COL4A5: variants seen among roughly 807,000 people sequenced by gnomAD.
The protein encoded by COL4A5 is collagen alpha-5(IV) chain.
Under a neutral mutation model 130.2 loss-of-function variants are expected in COL4A5, and 26 were observed. The observed-to-expected ratio is 0.20, with a 90% CI of 0.15 to 0.28. COL4A5 has a LOEUF of 0.28. Ranked by LOEUF, COL4A5 falls within the 10% of genes least tolerant of loss-of-function variation. The probability of loss-of-function intolerance (pLI) is 1.00; values close to 1 mark genes in which losing one functional copy is unlikely to be tolerated. For synonymous variants in COL4A5, 496 were observed against 439.6 expected (o/e 1.13, Z -1.60); for missense variants, 1,131 against 1,344.3 (o/e 0.84, Z 2.48).
intron 19 of COL4A5, 112 bp from the exon 20 acceptor site, chrX:108,590,941 AATAAC>A (rs2066422110): frequency 5.7e-6 from 4 of 705,012 alleles, no homozygotes; most frequent in Admixed American, 3.6e-5. Context: ...ATAGAAAAAA[AATAAC>A]ATAACCAGAA....
intron 29 of COL4A5, among the ~76,000 whole-genome samples, chrX:108,611,892 A>G (rs902289429): frequency 9.0e-6 from 1 of 111,402 alleles, no homozygotes; most frequent in African/African-American, 3.2e-5. Context: ...ATAGACATAA[A>G]AATCCTCAAG....
chrX:108,504,538 G>GA (rs754869597), intron 1 of COL4A5, among the ~76,000 whole-genome samples: 10 of 111,732 alleles, frequency 8.9e-5, no homozygotes, highest in Non-Finnish European at 1.3e-4. Context: ...AAATCAGCAA[G>GA]AAAAAATCAA....
chrX:108,526,821 G>T lies in COL4A5; in HGVS notation c.82-12925G>T, dbSNP rs72618363. On this transcript the variant is annotated intron_variant, in intron 1 of 52. Transcript: ENST00000328300. ...CTTGCTCTGTTGCACATACTGGAGT[G>T]CAGTGGAACAATCATGGCTCACTGC... is the stretch of plus-strand genomic sequence containing the variant. 6.9e-3 allele frequency among the ~76,000 whole-genome samples: 704 copies of T among 101,380 alleles called. 20 individuals are homozygous for T. The highest frequency in any genetic ancestry group is 0.057 in the East Asian group (187 of 3,254). The allele number at this position is 101,380 out of a possible 115,157, so 88.0% of individuals were successfully genotyped here.
At position 108,623,441 on chromosome X, in the gene COL4A5, A is replaced by AC. The variant is rs202163710; in HGVS notation, c.2917+616_2917+617insC. Among the ~76,000 whole-genome samples, 461 of 104,610 alleles carry AC rather than the reference A, an allele frequency of 4.4e-3. 2 individuals carry two copies. The highest frequency in any genetic ancestry group is 5.9e-3 in the Non-Finnish European group (312 of 52,586). The allele number at this position is 104,610 out of a possible 115,157, so 90.8% of individuals were successfully genotyped here. A position where few individuals can be genotyped will look rare whatever the true frequency, so the allele number is the denominator to read the frequency against. On this transcript the variant is annotated intron_variant, in intron 33 of 52. Coordinates refer to ENST00000328300, the MANE Select transcript of COL4A5 (RefSeq NM_033380.3). ...AAAATATTACGTGGGGTTTTCAATA[A>AC]AAAAAAAACCTTTTTTATAGAAGTA...
intron 30 of COL4A5, among the ~76,000 whole-genome samples, chrX:108,615,536 G>A (rs1603295801): frequency 9.0e-6 from 1 of 110,864 alleles, no homozygotes; most frequent in African/African-American, 3.3e-5. Flanking sequence ...CAATTCATCA[G>A]CACTCCAAAT....
chrX:108,634,041 A>T (rs149821293), intron 36 of COL4A5, among the ~76,000 whole-genome samples: 1 of 111,068 alleles, frequency 9.0e-6, no homozygotes. Flanking sequence ...CAGTAATTTC[A>T]CTTCTTTCAA....
At chrX:108,623,798 C>T (rs914112679) in intron 33 of COL4A5, among the ~76,000 whole-genome samples, 3 of 111,664 alleles carry the variant, frequency 2.7e-5, no homozygotes, top group African/African-American at 9.8e-5. Flanking sequence ...GGCAGGGTCA[C>T]CTAATTTTTT....
chrX:108,503,693 T>C (rs7052758), intron 1 of COL4A5, among the ~76,000 whole-genome samples: 11,573 of 111,348 alleles, frequency 0.1, 1,304 homozygotes, highest in African/African-American at 0.34. Flanking sequence ...TAGGAATATA[T>C]TTAACCAAAG....
chrX:108,545,178 C>T (rs1483912712), intron 2 of COL4A5, among the ~76,000 whole-genome samples: 2 of 111,679 alleles, frequency 1.8e-5, no homozygotes, highest in Non-Finnish European at 3.8e-5. Context: ...TCTTGCTTCT[C>T]TAGTTCTTTT....
intron 1 of COL4A5, among the ~76,000 whole-genome samples, chrX:108,460,656 ATTTTTTTT>A (rs751991149): frequency 5.1e-5 from 2 of 39,446 alleles, no homozygotes; most frequent in East Asian, 6.5e-4. Flanking sequence ...CGCCTGGCAA[ATTTTTTTT>A]TTTTTTTTTT....
intron 2 of COL4A5, among the ~76,000 whole-genome samples, chrX:108,550,265 A>C (rs1298051481): frequency 8.9e-6 from 1 of 111,884 alleles, no homozygotes; most frequent in East Asian, 2.8e-4. Context: ...ATGAGCATAG[A>C]TACAGAAATT....
chrX:108,571,594 ATGTTTC>A, intron 7 of COL4A5, 128 bp downstream of exon 7: 1 of 651,073 alleles, frequency 1.5e-6, no homozygotes, highest in Admixed American at 2.5e-5. Context: ...CTAGAGGAAA[ATGTTTC>A]AAAAAGAAGT....
intron 2 of COL4A5, among the ~76,000 whole-genome samples, 166 bp from the exon 3 acceptor site, chrX:108,558,898 C>T (rs1261776335): frequency 2.7e-5 from 3 of 112,263 alleles, no homozygotes; most frequent in Non-Finnish European, 5.6e-5. Context: ...TGTGTTTTCT[C>T]CCCCCACATC....
intron 1 of COL4A5, among the ~76,000 whole-genome samples, chrX:108,476,892 G>A (rs777693257): frequency 1.2e-4 from 13 of 111,344 alleles, no homozygotes; most frequent in Non-Finnish European, 2.1e-4. Context: ...AACCAACATG[G>A]GAGTGAAGAT....
chrX:108,560,446 C>G (rs1042299823), intron 3 of COL4A5, among the ~76,000 whole-genome samples: 2 of 112,410 alleles, frequency 1.8e-5, no homozygotes, highest in East Asian at 5.6e-4. Flanking sequence ...GTTTCCAAAG[C>G]TGAAGTAATG....
chrX:108,630,297 A>C (rs1407767419), intron 36 of COL4A5, among the ~76,000 whole-genome samples: 10 of 111,716 alleles, frequency 9.0e-5, no homozygotes, highest in East Asian at 5.7e-4. Flanking sequence ...ATTCCTATTT[A>C]TCCACATCCT....
chrX:108,563,814 A>G (rs1220732510), intron 3 of COL4A5, 68 bp from the exon 4 acceptor site: 7 of 907,114 alleles, frequency 7.7e-6, no homozygotes, highest in Non-Finnish European at 8.0e-6. Flanking sequence ...CTCCTATTTT[A>G]TAATTGAAAA....
chrX:108,509,574 A>G (rs1248852248), intron 1 of COL4A5, among the ~76,000 whole-genome samples: 1 of 112,324 alleles, frequency 8.9e-6, no homozygotes, highest in African/African-American at 3.2e-5. Context: ...GTCACTGATC[A>G]TTAGAGAAAT....
At chrX:108,499,085 G>A (rs1278054867) in intron 1 of COL4A5, among the ~76,000 whole-genome samples, 2 of 111,266 alleles carry the variant, frequency 1.8e-5, no homozygotes, top group Non-Finnish European at 3.8e-5. Flanking sequence ...GCATAAGGAG[G>A]AAAAACTTCA....
Sources: gnomAD v4.1 joint callset for allele counts (sites outside exome capture counted in the v4.1 genomes callset) on GRCh38, gnomAD v4.1.1 for gene constraint, MANE v1.5 for transcripts, NCBI Gene and HGNC (gene_info 2026-07-23, HGNC 2026-07-21) for gene names.